Variants in LRRC37A2 observed in about 807,000 individuals in gnomAD.
LRRC37A2 encodes the protein leucine-rich repeat-containing protein 37A2.
Under a neutral mutation model 68.8 loss-of-function variants are expected in LRRC37A2, and 9 were observed. The ratio of observed to expected loss-of-function variants is 0.13; its 90% CI spans 0.08 to 0.23. The LOEUF (loss-of-function observed/expected upper bound fraction) is 0.23. Among genes scored for constraint, LRRC37A2 ranks in the 10% least tolerant of loss-of-function variants. LRRC37A2 has a pLI of 1.00. For synonymous variants in LRRC37A2, 63 were observed against 367.6 expected (o/e 0.17, Z 9.48); for missense variants, 168 against 950.4 (o/e 0.18, Z 10.82).
the LRRC37A2 span, among the ~76,000 whole-genome samples, chr17:46,804,536 G>GC: frequency 6.6e-6 from 1 of 152,294 alleles, no homozygotes; most frequent in African/African-American, 2.4e-5. Context: ...CTGATGGCAG[G>GC]CCCCCTCTTT....
chr17:46,841,530 A>G, the LRRC37A2 span, among the ~76,000 whole-genome samples: 17 of 152,246 alleles, frequency 1.1e-4, no homozygotes, highest in Non-Finnish European at 2.2e-4. Context: ...CAACTAAGCC[A>G]TGTCCCAAAT....
the LRRC37A2 span, among the ~76,000 whole-genome samples, chr17:46,740,961 C>T: frequency 6.6e-6 from 1 of 152,192 alleles, no homozygotes; most frequent in African/African-American, 2.4e-5. Flanking sequence ...GCACAGAGGT[C>T]ATTATTTCTA....
At chr17:46,823,192 A>ATAT in the LRRC37A2 span, among the ~76,000 whole-genome samples, 3 of 127,674 alleles carry the variant, frequency 2.3e-5, no homozygotes, top group African/African-American at 9.7e-5. Context: ...AATATATTAT[A>ATAT]TATATTTATA....
the LRRC37A2 span, among the ~76,000 whole-genome samples, chr17:47,024,968 A>G: frequency 6.7e-6 from 1 of 149,844 alleles, no homozygotes; most frequent in Non-Finnish European, 1.5e-5. Flanking sequence ...AACATTTCAC[A>G]TGGTAAGAAA....
At chr17:46,974,733 C>CA in the LRRC37A2 span, among the ~76,000 whole-genome samples, 25 of 64,424 alleles carry the variant, frequency 3.9e-4, no homozygotes, top group Admixed American at 7.6e-4. Context: ...GACTCTCTCT[C>CA]AAAAAAAAAA....
the LRRC37A2 span, among the ~76,000 whole-genome samples, chr17:46,896,107 T>C: frequency 1.3e-5 from 2 of 151,326 alleles, no homozygotes; most frequent in Non-Finnish European, 2.9e-5. Context: ...TGAAACCCCG[T>C]CTCTACTAAA....
the LRRC37A2 span, among the ~76,000 whole-genome samples, chr17:46,815,308 T>G: frequency 6.6e-6 from 1 of 152,198 alleles, no homozygotes; most frequent in Non-Finnish European, 1.5e-5. Flanking sequence ...ATCTCTTCCT[T>G]CCAGGGGTGT....
the LRRC37A2 span, among the ~76,000 whole-genome samples, chr17:46,990,221 A>G: frequency 1.3e-5 from 2 of 152,186 alleles, no homozygotes; most frequent in Non-Finnish European, 2.9e-5. Flanking sequence ...AAGAGTCAAA[A>G]CAATAGTGAA....
At chr17:46,906,805 CAG>C in the LRRC37A2 span, among the ~76,000 whole-genome samples, 1 of 152,028 alleles carries the variant, frequency 6.6e-6, no homozygotes, top group African/African-American at 2.4e-5. Flanking sequence ...ATTCAGGCTG[CAG>C]AGTTGAAGCT....
chr17:46,767,129 T>G, the LRRC37A2 span, among the ~76,000 whole-genome samples: 1 of 151,682 alleles, frequency 6.6e-6, no homozygotes, highest in Non-Finnish European at 1.5e-5. Context: ...ACCCCGGGGG[T>G]CCAGGACCAC....
At chr17:46,554,940 TG>T in intron 12 of LRRC37A2, 1 of 300,548 alleles carries the variant, frequency 3.3e-6, no homozygotes. Context: ...CAGTATATTG[TG>T]GGGCCCTTCT....
At chr17:46,976,315 C>T in the LRRC37A2 span, among the ~76,000 whole-genome samples, 2 of 150,950 alleles carry the variant, frequency 1.3e-5, no homozygotes, top group Non-Finnish European at 3.0e-5. Context: ...GGTGGATCAC[C>T]TGAGGTCAGG....
chr17:46,850,939 C>A, the LRRC37A2 span, among the ~76,000 whole-genome samples: 3 of 152,202 alleles, frequency 2.0e-5, no homozygotes, highest in Non-Finnish European at 4.4e-5. Flanking sequence ...CCACGCTGCG[C>A]GCCTCGCCGG....
At chr17:46,901,803 ATTTTTTT>A in the LRRC37A2 span, among the ~76,000 whole-genome samples, 3 of 128,210 alleles carry the variant, frequency 2.3e-5, no homozygotes, top group Admixed American at 1.6e-4. Flanking sequence ...TGGAGCAAGA[ATTTTTTT>A]TTTTTTTTTT....
At chr17:46,755,968 AT>A in the LRRC37A2 span, 1 of 732,730 alleles carries the variant, frequency 1.4e-6, no homozygotes, top group Non-Finnish European at 2.2e-6. Flanking sequence ...GATTAGTGCA[AT>A]AAAACTCCCT....
the LRRC37A2 span, among the ~76,000 whole-genome samples, chr17:46,928,660 T>C: frequency 1.3e-5 from 2 of 152,292 alleles, no homozygotes; most frequent in Admixed American, 6.5e-5. Flanking sequence ...CGGAGAAGGA[T>C]GTTTACCAAA....
the LRRC37A2 span, among the ~76,000 whole-genome samples, chr17:46,947,210 C>G: frequency 6.6e-6 from 1 of 152,182 alleles, no homozygotes; most frequent in Non-Finnish European, 1.5e-5. Flanking sequence ...TGTGCATGTC[C>G]TAGATTCTGT....
chr17:46,499,311 CAAAAAAAAAAA>C, the LRRC37A2 span, among the ~76,000 whole-genome samples: 853 of 60,546 alleles, frequency 0.014, 37 homozygotes, highest in African/African-American at 0.072. Context: ...GACTCCAGCT[CAAAAAAAAAAA>C]AAAAAAAAAA....
intron 8 of LRRC37A2, among the ~76,000 whole-genome samples, chr17:46,545,267 A>G (rs2056104754): frequency 7.1e-6 from 1 of 141,022 alleles, no homozygotes; most frequent in Non-Finnish European, 1.5e-5. Flanking sequence ...CTCTGTCACT[A>G]CTGAAAATAC....
Sources: gnomAD v4.1 joint callset for allele counts (sites outside exome capture counted in the v4.1 genomes callset) on GRCh38, gnomAD v4.1.1 for gene constraint, MANE v1.5 for transcripts, NCBI Gene and HGNC (gene_info 2026-07-23, HGNC 2026-07-21) for gene names.